The following METTL8 variants were observed in gnomAD, a reference collection of about 807,000 sequenced individuals.
METTL8 encodes the protein tRNA N(3)-cytidine methyltransferase METTL8, mitochondrial.
In METTL8, 32 loss-of-function variants were observed where a neutral mutation model predicts 48.7. The observed-to-expected ratio is 0.66, with a 90% CI of 0.50 to 0.88. The LOEUF (loss-of-function observed/expected upper bound fraction) is 0.88, where lower values mean the gene tolerates loss of function less well. METTL8 is among the 40% of genes least tolerant of loss of function. METTL8 has a pLI of 0.00. For synonymous variants in METTL8, 136 were observed against 157.1 expected (o/e 0.87, Z 1.01); for missense variants, 464 against 474.4 (o/e 0.98, Z 0.20).
chr2:171,342,571 A>G (rs965015535), intron 3 of METTL8, among the ~76,000 whole-genome samples: 8 of 152,100 alleles, frequency 5.3e-5, no homozygotes, highest in African/African-American at 1.9e-4. Context: ...AAAAGAGTCA[A>G]ATTTCTCCAG....
chr2:171,369,322 CA>C (rs950819994), intron 2 of METTL8, among the ~76,000 whole-genome samples: 17 of 151,852 alleles, frequency 1.1e-4, no homozygotes, highest in African/African-American at 3.9e-4. Context: ...ACAACAACAA[CA>C]AAAAAACTCC....
rs141712626 is a variant in METTL8 at position 171,399,638 on chromosome 2, T to C, written c.-12-7441A>G. On this transcript the variant is annotated intron_variant, in intron 1 of 9. Coordinates refer to ENST00000375258, the MANE Select transcript of METTL8 (RefSeq NM_001321154.2). ...CACTAAAATGGGATCCTTTTCACAA[T>C]GATTCATACATCTGCCTGACCATAT... is the stretch of plus-strand genomic sequence containing the variant. Among the ~76,000 whole-genome samples the C allele has an allele frequency of 2.7e-3, 413 of 152,316 alleles. 3 individuals are homozygous for C. Among genetic ancestry groups the C allele is most frequent in the African/African-American group, 9.5e-3 (395 of 41,574 alleles).
At position 171,324,265 on chromosome 2, in the gene METTL8, C is replaced by A; in HGVS notation, c.1131G>T (p.Met377Ile). The part of the protein sequence containing the change: ...LQVNRKKQVK[M>I]HRVWIQGKFQ... ...ATTTGCCTTGAATCCACACTCGGTG[C>A]ATTTTCACTTGTTTTTTCCTATTAA... The change falls in exon 10 of 10, where the codon ATG becomes ATT. Residue 377 changes from methionine (M) to isoleucine (I), a missense_variant. Physicochemically the swap from Met to Ile is conservative, Grantham distance 10. Transcript: ENST00000375258. 1 of 1,551,522 alleles carries A rather than the reference C, an allele frequency of 6.4e-7. No homozygotes were observed. Among genetic ancestry groups the A allele is most frequent in the Non-Finnish European group, 8.7e-7 (1 of 1,146,956 alleles).
chr2:171,400,267 C>CACA (rs917764794), intron 1 of METTL8, among the ~76,000 whole-genome samples: 10 of 152,098 alleles, frequency 6.6e-5, no homozygotes, highest in Non-Finnish European at 1.5e-4. Context: ...CACATTCTAC[C>CACA]TTTTTGGATG....
chr2:171,394,965 G>A (rs1001929745), intron 1 of METTL8, among the ~76,000 whole-genome samples: 18 of 152,150 alleles, frequency 1.2e-4, no homozygotes, highest in African/African-American at 4.1e-4. Context: ...AATTAACTAC[G>A]ATGATTAACA....
intron 1 of METTL8, among the ~76,000 whole-genome samples, chr2:171,421,550 G>C (rs77703651): frequency 0.056 from 8,517 of 151,986 alleles, 271 homozygotes; most frequent in African/African-American, 0.072. Flanking sequence ...TGTAAAATAT[G>C]CAAGTCCTTT....
At chr2:171,388,245 A>C (rs1477008536) in intron 2 of METTL8, among the ~76,000 whole-genome samples, 1 of 152,100 alleles carries the variant, frequency 6.6e-6, no homozygotes, top group East Asian at 1.9e-4. Context: ...TCTGCTTCTA[A>C]TTCTTCCTGC....
At position 171,323,598 on chromosome 2, in the gene METTL8, T is replaced by C. The variant is rs1684650243; in HGVS notation, c.*574A>G. 6.6e-6 allele frequency: 1 copy of C among 152,008 alleles called. No individual in the cohort carries two copies. The highest frequency in any genetic ancestry group is 1.5e-5 in the Non-Finnish European group (1 of 68,026). 9.4% of individuals were successfully genotyped at this position (152,008 alleles called of 1,614,324 possible). A position where few individuals can be genotyped will look rare whatever the true frequency, so the allele number is the denominator to read the frequency against. On this transcript the variant is annotated 3_prime_UTR_variant, in exon 10 of 10. Coordinates refer to ENST00000375258, the MANE Select transcript of METTL8 (RefSeq NM_001321154.2). ...CAGCATGGGCTGTACTTCCCCAATT[T>C]TAGGAAAGGAAAGAGGAACTAAAAT...
rs1559101816 is a variant in METTL8 at position 171,356,956 on chromosome 2, T to TTTTTTGTTTG, written c.235+3465_235+3466insCAAACAAAAA. The stretch of plus-strand genomic sequence containing the variant: ...TTAGCCTTGTTCAAAGACAATATTT[T>TTTTTTGTTTG]TTTTTTTTTTTTTGAGACAGGGTCT... On this transcript the variant is annotated intron_variant, in intron 3 of 9. Coordinates refer to ENST00000375258, the MANE Select transcript of METTL8 (RefSeq NM_001321154.2). Among the ~76,000 whole-genome samples the TTTTTTGTTTG allele has an allele frequency of 7.4e-5, 9 of 121,754 alleles. 1 individual carries two copies. The East Asian group carries it at 7.6e-4, about 10-fold the overall frequency. The allele number at this position is 121,754 out of a possible 152,430, so 79.9% of individuals were successfully genotyped here.
chr2:171,318,233 C>T lies in METTL8; in HGVS notation c.*5939G>A, dbSNP rs775888868. The T allele has an allele frequency of 4.6e-5, 7 of 152,184 alleles. No individual in the cohort carries two copies. The highest frequency in any genetic ancestry group is 1.4e-4 in the African/African-American group (6 of 41,448). The allele number at this position is 152,184 out of a possible 1,614,324, so 9.4% of individuals were successfully genotyped here. A position where few individuals can be genotyped will look rare whatever the true frequency, so the allele number is the denominator to read the frequency against. On this transcript the variant is annotated 3_prime_UTR_variant, in exon 10 of 10. Coordinates refer to ENST00000375258, the MANE Select transcript of METTL8 (RefSeq NM_001321154.2). The stretch of plus-strand genomic sequence containing the variant: ...CAAAGCCATCTTGCGGGTACCTTTG[C>T]GCCTCTCAAATCCCCAACCATATTC...
At chr2:171,338,512 C>T (rs1295212001) in intron 4 of METTL8, among the ~76,000 whole-genome samples, 9 of 151,676 alleles carry the variant, frequency 5.9e-5, no homozygotes, top group Non-Finnish European at 8.8e-5. Context: ...TGGTGGCAGG[C>T]GCCTGTAATC....
At chr2:171,372,682 G>T (rs766520005) in intron 2 of METTL8, among the ~76,000 whole-genome samples, 6 of 152,090 alleles carry the variant, frequency 3.9e-5, no homozygotes, top group Non-Finnish European at 7.3e-5. Flanking sequence ...CCCTTCCTGT[G>T]TGCAAATGTT....
chr2:171,358,758 T>C (rs1024701959), intron 3 of METTL8, among the ~76,000 whole-genome samples: 3 of 152,182 alleles, frequency 2.0e-5, no homozygotes, highest in Non-Finnish European at 4.4e-5. Context: ...TTTTTATTTG[T>C]CTATTTTGTC....
intron 2 of METTL8, among the ~76,000 whole-genome samples, chr2:171,390,496 T>C (rs1469066858): frequency 6.6e-6 from 1 of 152,234 alleles, no homozygotes; most frequent in African/African-American, 2.4e-5. Flanking sequence ...CCAATCTACA[T>C]GCCATTAAGA....
intron 6 of METTL8, among the ~76,000 whole-genome samples, 193 bp from the exon 7 acceptor site, chr2:171,330,891 T>C (rs1185155442): frequency 6.6e-6 from 1 of 152,182 alleles, no homozygotes; most frequent in Non-Finnish European, 1.5e-5. Context: ...GGCTAGCTCT[T>C]GGCCTTGATA....
At chr2:171,390,442 T>C (rs1325612534) in intron 2 of METTL8, among the ~76,000 whole-genome samples, 1 of 152,232 alleles carries the variant, frequency 6.6e-6, no homozygotes, top group African/African-American at 2.4e-5. Context: ...ATTCCTCTAG[T>C]GGATCTGGGC....
chr2:171,339,106 G>A, intron 4 of METTL8, 78 bp downstream of exon 4: 1 of 1,294,100 alleles, frequency 7.7e-7, no homozygotes. Flanking sequence ...AAAAAATCTG[G>A]ATTTTTAATA....
chr2:171,341,322 C>T (rs1429365673), intron 3 of METTL8, among the ~76,000 whole-genome samples: 2 of 141,950 alleles, frequency 1.4e-5, no homozygotes, highest in African/African-American at 2.6e-5. Flanking sequence ...AGCAAGACTC[C>T]GTCTCAAAAA....
intron 3 of METTL8, among the ~76,000 whole-genome samples, chr2:171,354,945 G>C (rs544115196): frequency 6.6e-6 from 1 of 151,942 alleles, no homozygotes; most frequent in Non-Finnish European, 1.5e-5. Flanking sequence ...ATTACCGATC[G>C]TCTGAAGCCT....
Sources: allele counts gnomAD v4.1 joint callset (sites outside exome capture counted in the v4.1 genomes callset), GRCh38; gene constraint gnomAD v4.1.1; transcripts MANE v1.5; gene names NCBI Gene and HGNC (gene_info 2026-07-23, HGNC 2026-07-21).